Variants in PLEKHM3 observed in about 807,000 individuals in gnomAD.
The protein encoded by PLEKHM3 is pleckstrin homology domain containing M3.
Under a neutral mutation model 81.8 loss-of-function variants are expected in PLEKHM3, and 45 were observed. The ratio of observed to expected loss-of-function variants is 0.55; its 90% confidence interval spans 0.43 to 0.71. The LOEUF is 0.71. PLEKHM3 is among the 30% of genes least tolerant of loss of function. The pLI is 0.00. For synonymous variants in PLEKHM3, 352 were observed against 356.4 expected (o/e 0.99, Z 0.14); for missense variants, 788 against 924.3 (o/e 0.85, Z 1.91).
intron 6 of PLEKHM3, among the ~76,000 whole-genome samples, chr2:207,887,141 A>G (rs1687907107): frequency 6.6e-6 from 1 of 152,254 alleles, no homozygotes; most frequent in Admixed American, 6.5e-5. Context: ...ATATTGGTCT[A>G]GGCCTATGTT....
At chr2:207,954,148 T>C (rs1244740370) in intron 3 of PLEKHM3, among the ~76,000 whole-genome samples, 2 of 152,084 alleles carry the variant, frequency 1.3e-5, no homozygotes, top group Non-Finnish European at 2.9e-5. Context: ...GATCGCACCA[T>C]GGCACTCCAG....
intron 4 of PLEKHM3, 82 bp from the exon 5 acceptor site, chr2:207,931,201 T>A (rs1689588066): frequency 7.8e-7 from 1 of 1,284,038 alleles, no homozygotes; most frequent in Admixed American, 2.7e-5. Flanking sequence ...ATAGCTGAAA[T>A]ATCAAAGGAA....
chr2:207,969,542 G>A (rs1691039574), intron 3 of PLEKHM3, among the ~76,000 whole-genome samples: 1 of 152,196 alleles, frequency 6.6e-6, no homozygotes, highest in African/African-American at 2.4e-5. Context: ...GTATTAGCAA[G>A]GTCAATAATG....
chr2:207,888,408 T>C (rs1687950968), intron 6 of PLEKHM3, among the ~76,000 whole-genome samples: 1 of 152,118 alleles, frequency 6.6e-6, no homozygotes, highest in Non-Finnish European at 1.5e-5. Context: ...TAGTTCTTTT[T>C]TTCTTTGAGA....
chr2:207,959,678 T>C (rs1257045785), intron 3 of PLEKHM3, among the ~76,000 whole-genome samples: 1 of 152,224 alleles, frequency 6.6e-6, no homozygotes, highest in Non-Finnish European at 1.5e-5. Flanking sequence ...TCTCCTTTGC[T>C]AAAACCTCCT....
chr2:208,023,468 A>G (rs1266986393), intron 1 of PLEKHM3, among the ~76,000 whole-genome samples: 2 of 152,178 alleles, frequency 1.3e-5, no homozygotes, highest in Non-Finnish European at 2.9e-5. Context: ...GTACGGGTCC[A>G]TGGCCTGTTA....
In PLEKHM3 at chr2:208,001,604, G is replaced by A; in HGVS notation, c.36C>T (p.Ala12=). 6.2e-7 allele frequency: 1 copy of A among 1,614,090 alleles called. No homozygotes were observed. The highest frequency in any genetic ancestry group is 8.5e-7 in the Non-Finnish European group (1 of 1,179,982). The stretch of plus-strand genomic sequence containing the variant: ...TAAAGAATTCCTCCGTAACTTCTAA[G>A]GCTGGGCTGATATCATCCACTTCCA... ...EALEVDDISP[A]LEVTEEFFST... is the part of the protein sequence containing the mutation. The change falls in exon 2 of 8, where the codon GCC becomes GCT. Residue 12 remains alanine (A), a synonymous_variant. Coordinates refer to ENST00000427836, the MANE Select transcript of PLEKHM3 (RefSeq NM_001080475.3).
intron 7 of PLEKHM3, among the ~76,000 whole-genome samples, chr2:207,837,658 G>A (rs1347541189): frequency 1.2e-4 from 16 of 134,104 alleles, no homozygotes; most frequent in African/African-American, 4.7e-4. Flanking sequence ...TTTTGAGATG[G>A]AGTCAGGCTG....
At chr2:207,948,590 C>G (rs1690222954) in intron 3 of PLEKHM3, among the ~76,000 whole-genome samples, 2 of 146,676 alleles carry the variant, frequency 1.4e-5, no homozygotes, top group Non-Finnish European at 3.0e-5. Context: ...GTCACCCAGG[C>G]TGGAGTGCGG....
At chr2:207,944,999 TTCTC>T (rs907744929) in intron 4 of PLEKHM3, among the ~76,000 whole-genome samples, 1 of 152,128 alleles carries the variant, frequency 6.6e-6, no homozygotes, top group Non-Finnish European at 1.5e-5. Flanking sequence ...TGTTTCTTGT[TTCTC>T]TCTCTCTATT....
rs778418474 is a variant in PLEKHM3, at chr2:207,977,091, T to C, written c.1106A>G (p.Tyr369Cys). The change falls in exon 3 of 8, where the codon TAC (tyrosine) becomes TGC (cysteine). Residue 369 changes from tyrosine to cysteine, a missense_variant. Transcript: ENST00000427836. ...YQNILKSGTL[Y>C]RLTVQNNWKA... Reference sequence around the variant, plus strand: ...CCAGTTGTTTTGGACAGTCAGCCTGTAGAGAGTCCCTGATTTGAGGATGTT... The same window carrying C: ...CCAGTTGTTTTGGACAGTCAGCCTGCAGAGAGTCCCTGATTTGAGGATGTT... 8.7e-6 allele frequency: 14 copies of C among 1,614,072 alleles called. No homozygotes were observed. The Admixed American group carries it at 2.0e-4, about 23-fold the overall frequency.
intron 3 of PLEKHM3, among the ~76,000 whole-genome samples, chr2:207,948,851 G>A (rs1352904873): frequency 2.6e-5 from 4 of 151,794 alleles, no homozygotes; most frequent in Admixed American, 6.6e-5. Context: ...CCAAATTTTT[G>A]TATTTTCAGT....
chr2:207,871,612 T>A (rs2092535026), intron 6 of PLEKHM3, among the ~76,000 whole-genome samples: 1 of 152,224 alleles, frequency 6.6e-6, no homozygotes, highest in Non-Finnish European at 1.5e-5. Context: ...GGCACATTTC[T>A]TATCCAGAAA....
chr2:208,005,810 C>T (rs1692474672), intron 1 of PLEKHM3, among the ~76,000 whole-genome samples: 1 of 152,202 alleles, frequency 6.6e-6, no homozygotes, highest in Admixed American at 6.5e-5. Flanking sequence ...GTTTGGCACA[C>T]ACACACACGC....
At chr2:208,000,945 G>C (rs1400578617) in intron 2 of PLEKHM3, 85 bp downstream of exon 2, 2 of 1,208,136 alleles carry the variant, frequency 1.7e-6, no homozygotes, top group African/African-American at 3.4e-5. Flanking sequence ...GTAGAAGTCA[G>C]ATATAAAAAC....
chr2:207,970,221 G>A (rs372400221), intron 3 of PLEKHM3, among the ~76,000 whole-genome samples: 2 of 101,310 alleles, frequency 2.0e-5, no homozygotes, highest in African/African-American at 5.9e-5. Context: ...GGAGAGAGAG[G>A]AGAGGAAAGA....
chr2:207,925,343 C>T (rs112451221), intron 5 of PLEKHM3, among the ~76,000 whole-genome samples: 28 of 151,916 alleles, frequency 1.8e-4, no homozygotes, highest in African/African-American at 6.8e-4. Flanking sequence ...GTGGCAATTC[C>T]CTGAATCCCA....
At chr2:207,913,103 T>C (rs183363600) in intron 5 of PLEKHM3, among the ~76,000 whole-genome samples, 13 of 151,964 alleles carry the variant, frequency 8.6e-5, no homozygotes, top group African/African-American at 3.1e-4. Context: ...AAACTCTGAT[T>C]AGTACAAAGG....
intron 1 of PLEKHM3, among the ~76,000 whole-genome samples, chr2:208,023,242 A>C (rs551302894): frequency 1.3e-5 from 2 of 151,724 alleles, no homozygotes; most frequent in South Asian, 4.1e-4. Flanking sequence ...TCTTGGGTTC[A>C]AGCAATGCCC....
Sources: gnomAD v4.1 joint callset for allele counts (sites outside exome capture counted in the v4.1 genomes callset) on GRCh38, gnomAD v4.1.1 for gene constraint, MANE v1.5 for transcripts, NCBI Gene and HGNC (gene_info 2026-07-23, HGNC 2026-07-21) for gene names.